Variants in RIC1 observed in about 807,000 individuals in gnomAD.
RIC1 encodes the protein RIC1 partner of RAB6A GEF complex, also known as guanine nucleotide exchange factor subunit RIC1.
Under a neutral mutation model 169.0 loss-of-function variants are expected in RIC1, and 88 were observed. The ratio of observed to expected loss-of-function variants is 0.52; its 90% CI spans 0.44 to 0.62. The LOEUF (loss-of-function observed/expected upper bound fraction) is 0.62. Among genes scored for constraint, RIC1 ranks in the 20% least tolerant of loss-of-function variants. RIC1 has a pLI of 0.00. For synonymous variants in RIC1, 790 were observed against 601.5 expected (o/e 1.31, Z -4.59); for missense variants, 1,877 against 1,725.5 (o/e 1.09, Z -1.56).
intron 4 of RIC1, among the ~76,000 whole-genome samples, chr9:5,719,809 A>G (rs1823479783): frequency 6.6e-6 from 1 of 152,178 alleles, no homozygotes; most frequent in South Asian, 2.1e-4. Flanking sequence ...TGTTACCTCT[A>G]CACTTAATGG....
At chr9:5,762,314 CT>C (rs372505764) in intron 17 of RIC1, among the ~76,000 whole-genome samples, 34 of 152,318 alleles carry the variant, frequency 2.2e-4, no homozygotes, top group African/African-American at 8.2e-4. Flanking sequence ...TGCCCTCAAT[CT>C]TATGTCACTG....
intron 10 of RIC1, among the ~76,000 whole-genome samples, chr9:5,744,063 T>G (rs1825240697): frequency 6.6e-6 from 1 of 152,106 alleles, no homozygotes; most frequent in African/African-American, 2.4e-5. Flanking sequence ...ACAAAACTAT[T>G]TTAGTCTCAG....
In RIC1 at chr9:5,762,657, A is replaced by G. The variant is rs1826420155; in HGVS notation, c.2109A>G (p.Lys703=). The change falls in exon 18 of 26, where the codon AAA becomes AAG. Residue 703 remains lysine (K), a synonymous_variant. Coordinates refer to ENST00000414202, the MANE Select transcript of RIC1 (RefSeq NM_020829.4). ...ACAGTAACCCTAATAACCAAAGGAA[A>G]CTTGTGAGTAAAGTACTAGTCATTT... The part of the protein sequence containing the change: ...EKDSNPNNQR[K]LLPFCPPVVL... 1 of 1,613,474 alleles carries G rather than the reference A, an allele frequency of 6.2e-7. No homozygotes were observed. The highest frequency in any genetic ancestry group is 8.5e-7 in the Non-Finnish European group (1 of 1,179,682).
intron 2 of RIC1, among the ~76,000 whole-genome samples, chr9:5,661,202 C>A (rs991664435): frequency 3.3e-5 from 5 of 151,940 alleles, no homozygotes; most frequent in Non-Finnish European, 7.4e-5. Flanking sequence ...TGTGTTTATT[C>A]TTGTGCCAGT....
chr9:5,643,324 A>C (rs192087158), intron 1 of RIC1, among the ~76,000 whole-genome samples: 1 of 152,030 alleles, frequency 6.6e-6, no homozygotes, highest in Non-Finnish European at 1.5e-5. Flanking sequence ...TCTTTTTTTC[A>C]TAGATCATGT....
chr9:5,631,685 CAAA>C (rs34448140), intron 1 of RIC1, among the ~76,000 whole-genome samples: 29 of 66,342 alleles, frequency 4.4e-4, no homozygotes, highest in African/African-American at 1.2e-3. Flanking sequence ...GACTCTGTCT[CAAA>C]AAAAAAAAAA....
intron 6 of RIC1, among the ~76,000 whole-genome samples, chr9:5,729,178 C>T (rs1200320051): frequency 6.6e-6 from 1 of 152,180 alleles, no homozygotes; most frequent in Non-Finnish European, 1.5e-5. Flanking sequence ...CCTTTATTTT[C>T]TATCCCTGTT....
chr9:5,675,884 C>T (rs1228839439), intron 2 of RIC1, among the ~76,000 whole-genome samples: 1 of 152,148 alleles, frequency 6.6e-6, no homozygotes, highest in Non-Finnish European at 1.5e-5. Flanking sequence ...CATTTGCAGT[C>T]AGTGGTAAAT....
intron 2 of RIC1, among the ~76,000 whole-genome samples, chr9:5,661,998 A>T (rs113025330): frequency 1.3e-5 from 2 of 152,122 alleles, no homozygotes; most frequent in South Asian, 2.1e-4. Context: ...ATTTTGAAGT[A>T]TGTTCCTTCA....
chr9:5,694,717 C>G (rs1479070943), intron 3 of RIC1, among the ~76,000 whole-genome samples: 1 of 151,834 alleles, frequency 6.6e-6, no homozygotes, highest in East Asian at 1.9e-4. Context: ...TCAGAGAGCC[C>G]TGCACATTGT....
At chr9:5,698,815 T>C (rs1024805537) in intron 3 of RIC1, among the ~76,000 whole-genome samples, 1 of 152,216 alleles carries the variant, frequency 6.6e-6, no homozygotes, top group Non-Finnish European at 1.5e-5. Context: ...TTCTGAATTA[T>C]GTAAATATAA....
rs184875317 is a variant in RIC1, at chr9:5,738,243, A to G, written c.813-207A>G. 3.3e-5 allele frequency among the ~76,000 whole-genome samples: 5 copies of G among 152,334 alleles called. No individual in the cohort carries two copies. In the East Asian group the frequency reaches 9.6e-4, roughly 29 times the overall value. ...ATTGTACATATCTCTAGTAAACATT[A>G]GACAATAATTTCTGGGATATATCTG... On this transcript the variant is annotated intron_variant, in intron 7 of 25. Transcript: ENST00000414202.
At position 5,667,766 on chromosome 9, in the gene RIC1, A is replaced by G. The variant is rs111757482; in HGVS notation, c.252+11076A>G. ...GCGATCATCCTGCCTTGGCCTGTCAAGTGCTGGGATTACAGGCATGAGCCA... is the reference window on the plus strand; with the variant it reads ...GCGATCATCCTGCCTTGGCCTGTCAGGTGCTGGGATTACAGGCATGAGCCA... On this transcript the variant is annotated intron_variant, in intron 2 of 25. Transcript: ENST00000414202. Among the ~76,000 whole-genome samples, 1,055 of 152,196 alleles carry G rather than the reference A, an allele frequency of 6.9e-3. 13 individuals are homozygous for G. Among genetic ancestry groups the G allele is most frequent in the African/African-American group, 0.024 (996 of 41,520 alleles).
At chr9:5,680,774 T>C (rs930986368) in intron 2 of RIC1, among the ~76,000 whole-genome samples, 2 of 151,696 alleles carry the variant, frequency 1.3e-5, no homozygotes, top group South Asian at 4.2e-4. Flanking sequence ...GGTCTATCAA[T>C]TTTGTTGATC....
intron 1 of RIC1, among the ~76,000 whole-genome samples, chr9:5,640,695 A>G (rs114102088): frequency 6.6e-6 from 1 of 152,252 alleles, no homozygotes; most frequent in African/African-American, 2.4e-5. Context: ...AGCGAGTTGT[A>G]CCTTCTGATG....
intron 2 of RIC1, among the ~76,000 whole-genome samples, chr9:5,682,069 G>T (rs1820879668): frequency 6.6e-6 from 1 of 152,134 alleles, no homozygotes; most frequent in African/African-American, 2.4e-5. Context: ...CCTGAGATGA[G>T]TTTCCTGAAT....
At chr9:5,664,716 C>T (rs1437847362) in intron 2 of RIC1, among the ~76,000 whole-genome samples, 2 of 152,156 alleles carry the variant, frequency 1.3e-5, no homozygotes, top group East Asian at 1.9e-4. Flanking sequence ...TTTCCAACTT[C>T]GTTCCATTCT....
chr9:5,631,685 C>CAAA (rs34448140), intron 1 of RIC1, among the ~76,000 whole-genome samples: 2 of 66,358 alleles, frequency 3.0e-5, no homozygotes, highest in Admixed American at 1.7e-4. Flanking sequence ...GACTCTGTCT[C>CAAA]AAAAAAAAAA....
intron 3 of RIC1, among the ~76,000 whole-genome samples, chr9:5,701,426 A>T (rs964764471): frequency 6.6e-6 from 1 of 152,104 alleles, no homozygotes; most frequent in Non-Finnish European, 1.5e-5. Context: ...AGCCTGACCA[A>T]CATAGCAGAA....
Sources: gnomAD v4.1 joint callset for allele counts (sites outside exome capture counted in the v4.1 genomes callset) on GRCh38, gnomAD v4.1.1 for gene constraint, MANE v1.5 for transcripts, NCBI Gene and HGNC (gene_info 2026-07-23, HGNC 2026-07-21) for gene names.